ZNF469: variants seen among roughly 807,000 people sequenced by gnomAD.
The protein encoded by ZNF469 is zinc finger protein 469.
Under a neutral mutation model 1.0 loss-of-function variants are expected in ZNF469, and 1 was observed. The observed-to-expected ratio is 1.00, with a 90% confidence interval of 0.35 to 4.73. The LOEUF is 4.73. Ranked by LOEUF, ZNF469 falls within the 30% of genes most tolerant of loss-of-function variation. ZNF469 has a pLI of 0.16. For synonymous variants in ZNF469, 2,703 were observed against 2,363.4 expected (o/e 1.14, Z -4.17); for missense variants, 6,100 against 5,356.3 (o/e 1.14, Z -4.33).
the ZNF469 span, among the ~76,000 whole-genome samples, chr16:88,292,437 T>G: frequency 2.6e-5 from 4 of 152,038 alleles, no homozygotes; most frequent in Admixed American, 2.6e-4. Flanking sequence ...CATCTATGAA[T>G]TGAGACTGAT....
At chr16:88,365,324 C>G in the ZNF469 span, among the ~76,000 whole-genome samples, 1 of 152,190 alleles carries the variant, frequency 6.6e-6, no homozygotes, top group Non-Finnish European at 1.5e-5. Flanking sequence ...TTGGCTCCAC[C>G]CATGGCTCCT....
the ZNF469 span, among the ~76,000 whole-genome samples, chr16:88,197,373 C>G: frequency 6.6e-6 from 1 of 152,172 alleles, no homozygotes; most frequent in African/African-American, 2.4e-5. Flanking sequence ...TGCTAAGTCC[C>G]CCACTAGTCT....
the ZNF469 span, among the ~76,000 whole-genome samples, chr16:88,133,307 C>G: frequency 2.6e-5 from 4 of 152,226 alleles, no homozygotes; most frequent in African/African-American, 9.6e-5. Context: ...GGCGATCCCG[C>G]ACATTCCCAG....
chr16:88,126,749 G>T, the ZNF469 span, among the ~76,000 whole-genome samples: 1 of 152,058 alleles, frequency 6.6e-6, no homozygotes, highest in African/African-American at 2.4e-5. Flanking sequence ...TGTCCCCCGG[G>T]TTCAAGCAAT....
chr16:88,107,920 G>A, the ZNF469 span, among the ~76,000 whole-genome samples: 48 of 152,330 alleles, frequency 3.2e-4, no homozygotes, highest in African/African-American at 9.1e-4. Context: ...CAGCCCAGGC[G>A]CCTGGTAATG....
the ZNF469 span, among the ~76,000 whole-genome samples, chr16:88,285,452 C>G: frequency 6.6e-6 from 1 of 152,238 alleles, no homozygotes; most frequent in Non-Finnish European, 1.5e-5. Flanking sequence ...GGAGGCCACA[C>G]TGTCACAGCA....
Position 88,428,225 on chromosome 16 carries a change from C to T in ZNF469, c.755C>T (p.Pro252Leu), listed in dbSNP as rs1905839394. ...SFPGANFGVPPAEPEPIPKGS... is the reference protein window; with the variant it reads ...SFPGANFGVPLAEPEPIPKGS... Reference sequence around the variant, plus strand: ...CCAGGTGCTAATTTCGGGGTTCCCCCCGCCGAGCCGGAACCTATTCCCAAA... The same window carrying T: ...CCAGGTGCTAATTTCGGGGTTCCCCTCGCCGAGCCGGAACCTATTCCCAAA... The change falls in exon 3 of 3, where the codon CCC (proline) becomes CTC (leucine). Residue 252 changes from proline to leucine, a missense_variant. Physicochemically the swap from Pro to Leu is moderately conservative, Grantham distance 98. Coordinates refer to ENST00000565624, the MANE Select transcript of ZNF469 (RefSeq NM_001367624.2). The T allele has an allele frequency of 6.5e-7, 1 of 1,550,340 alleles. No individual in the cohort carries two copies. The highest frequency in any genetic ancestry group is 1.2e-5 in the South Asian group (1 of 84,068).
chr16:88,434,265 T>C lies in ZNF469; in HGVS notation c.6795T>C (p.Pro2265=), dbSNP rs751953666. The C allele has an allele frequency of 3.9e-6, 6 of 1,550,338 alleles. No homozygotes were observed. The highest frequency in any genetic ancestry group is 2.0e-5 in the Admixed American group (1 of 51,016). ...DSRKEKLWES[P]GRATSPPLAG... ...GAAAAGAGAAGCTGTGGGAGTCTCC[T>C]GGCCGAGCCACCTCTCCTCCTCTGG... Residue 2265 remains proline (P), a synonymous_variant, in exon 3 of 3, where the codon CCT becomes CCC. Transcript: ENST00000565624.
the ZNF469 span, among the ~76,000 whole-genome samples, chr16:88,326,078 G>A: frequency 6.6e-6 from 1 of 152,194 alleles, no homozygotes; most frequent in Admixed American, 6.5e-5. Context: ...CCCAGCAATG[G>A]GCCACAGACA....
Position 88,439,485 on chromosome 16 carries a change from G to T in ZNF469, c.*153G>T, listed in dbSNP as rs546035711. ...TTGATGTCAGAGCTGAGGTGGTGATGCTTTGAACAGGGCCCAGGTGGGCAG... is the reference window on the plus strand; with the variant it reads ...TTGATGTCAGAGCTGAGGTGGTGATTCTTTGAACAGGGCCCAGGTGGGCAG... On this transcript the variant is annotated 3_prime_UTR_variant, in exon 3 of 3. Coordinates refer to ENST00000565624, the MANE Select transcript of ZNF469 (RefSeq NM_001367624.2). 1.2e-6 allele frequency: 1 copy of T among 866,644 alleles called. No homozygotes were observed. Among genetic ancestry groups the T allele is most frequent in the Non-Finnish European group, 1.8e-6 (1 of 554,084 alleles). 53.7% of individuals were successfully genotyped at this position (866,644 alleles called of 1,614,324 possible).
intron 1 of ZNF469, among the ~76,000 whole-genome samples, chr16:88,420,126 C>T (rs777969191): frequency 8.5e-5 from 13 of 152,258 alleles, no homozygotes; most frequent in Non-Finnish European, 1.6e-4. Flanking sequence ...ACTCCCACAC[C>T]GGGACGAGGG....
the ZNF469 span, among the ~76,000 whole-genome samples, chr16:88,361,895 C>T: frequency 6.6e-6 from 1 of 152,126 alleles, no homozygotes; most frequent in Non-Finnish European, 1.5e-5. Context: ...CCCAGTTGTG[C>T]CTGTGTCATT....
the ZNF469 span, among the ~76,000 whole-genome samples, chr16:88,184,762 G>C: frequency 1.7e-4 from 26 of 152,274 alleles, no homozygotes; most frequent in East Asian, 3.5e-3. Flanking sequence ...AGGCATTTAC[G>C]ACCTCAGCGA....
chr16:88,286,604 G>A, the ZNF469 span, among the ~76,000 whole-genome samples: 1 of 152,398 alleles, frequency 6.6e-6, no homozygotes, highest in South Asian at 2.1e-4. Flanking sequence ...GGTGGGGGAG[G>A]GAATGTGGAG....
chr16:88,239,697 ATATATATATATATATATATTTTTTT>A, the ZNF469 span, among the ~76,000 whole-genome samples: 7 of 6,576 alleles, frequency 1.1e-3, 2 homozygotes, highest in African/African-American at 4.8e-3. Context: ...ATATATATAT[ATATATATATATATATATATTTTTTT>A]TTTTTTTTTT....
the ZNF469 span, among the ~76,000 whole-genome samples, chr16:88,299,275 GC>G: frequency 6.7e-6 from 1 of 149,664 alleles, no homozygotes; most frequent in Non-Finnish European, 1.5e-5. Flanking sequence ...GAGGCAGCTT[GC>G]AGCAGGCGAG....
At chr16:88,105,392 C>T in the ZNF469 span, among the ~76,000 whole-genome samples, 2 of 151,166 alleles carry the variant, frequency 1.3e-5, no homozygotes, top group South Asian at 2.1e-4. Context: ...GCAACCTCTG[C>T]CTCCCAGGTT....
chr16:88,400,458 A>C (rs1904821746), intron 1 of ZNF469, among the ~76,000 whole-genome samples: 1 of 152,200 alleles, frequency 6.6e-6, no homozygotes, highest in Non-Finnish European at 1.5e-5. Context: ...TGGCCAGACC[A>C]GGAAGGAGCA....
chr16:88,380,977 CATAT>C (rs2092521604), upstream of ZNF469, among the ~76,000 whole-genome samples: 3 of 141,262 alleles, frequency 2.1e-5, no homozygotes, highest in Admixed American at 7.1e-5. Flanking sequence ...TGCACTCACA[CATAT>C]GCACTCACAC....
Sources: allele counts gnomAD v4.1 joint callset (sites outside exome capture counted in the v4.1 genomes callset), GRCh38; gene constraint gnomAD v4.1.1; transcripts MANE v1.5; gene names NCBI Gene and HGNC (gene_info 2026-07-23, HGNC 2026-07-21).